Variants in CRY1 observed in about 807,000 individuals in gnomAD.
The protein encoded by CRY1 is cryptochrome-1.
CRY1 carries 45 observed loss-of-function variants against 76.0 expected under a neutral mutation model. The ratio of observed to expected loss-of-function variants is 0.59; its 90% CI spans 0.47 to 0.76. The LOEUF is 0.76. Among genes scored for constraint, CRY1 ranks in the 30% least tolerant of loss-of-function variants. The probability of loss-of-function intolerance (pLI) is 0.00; values close to 1 mark genes in which losing one functional copy is unlikely to be tolerated. For missense variants in CRY1, 587 were observed against 716.4 expected, an observed-to-expected ratio of 0.82 and a Z score of 2.06; for synonymous variants, 248 against 244.0, an observed-to-expected ratio of 1.02 and a Z score of -0.15.
chr12:106,998,233 T>C (rs1368802878), intron 7 of CRY1, among the ~76,000 whole-genome samples, 167 bp from the exon 8 acceptor site: 1 of 152,130 alleles, frequency 6.6e-6, no homozygotes, highest in Admixed American at 6.5e-5. Flanking sequence ...TAATGAGCTC[T>C]TCCAGAGAAA....
chr12:107,060,965 ACT>A (rs1422532944), intron 1 of CRY1, among the ~76,000 whole-genome samples: 2 of 152,026 alleles, frequency 1.3e-5, no homozygotes, highest in Admixed American at 6.6e-5. Flanking sequence ...ACAGAGTGAG[ACT>A]CTGTCTCAAA....
At position 107,009,124 on chromosome 12, in the gene CRY1, G is replaced by A. The variant is rs577800061; in HGVS notation, c.268-3876C>T. Among the ~76,000 whole-genome samples, 35 of 152,250 alleles carry A rather than the reference G, an allele frequency of 2.3e-4. 1 individual carries two copies. Among genetic ancestry groups the A allele is most frequent in the African/African-American group, 7.9e-4 (33 of 41,536 alleles). ...TATGTCAGATGCGTTCTCTTCATTT[G>A]TTAAGATAATTTCTCTTTTCCTTTA... On this transcript the variant is annotated intron_variant, in intron 2 of 12. Coordinates refer to ENST00000008527, the MANE Select transcript of CRY1 (RefSeq NM_004075.5).
At chr12:107,044,645 A>G (rs1952830984) in intron 1 of CRY1, among the ~76,000 whole-genome samples, 1 of 152,224 alleles carries the variant, frequency 6.6e-6, no homozygotes, top group Non-Finnish European at 1.5e-5. Flanking sequence ...AACAATTCAC[A>G]ATATAAACAA....
intron 2 of CRY1, among the ~76,000 whole-genome samples, chr12:107,011,541 G>C (rs930173606): frequency 6.6e-6 from 1 of 152,112 alleles, no homozygotes; most frequent in Non-Finnish European, 1.5e-5. Context: ...GAAAACTTTA[G>C]GGGTCTGGAT....
chr12:107,001,389 A>C, intron 4 of CRY1, 21 bp from the exon 5 acceptor site: 5 of 1,573,988 alleles, frequency 3.2e-6, no homozygotes, highest in Non-Finnish European at 4.3e-6. Context: ...GAAAAGAAAA[A>C]AACATCATTC....
chr12:107,022,244 A>G (rs751343146), intron 1 of CRY1, 52 bp from the exon 2 acceptor site: 9 of 1,104,870 alleles, frequency 8.1e-6, no homozygotes, highest in Admixed American at 5.0e-5. Flanking sequence ...TATTTAGAAG[A>G]CATAAATTAT....
chr12:107,001,532 C>T (rs527984698), intron 4 of CRY1, among the ~76,000 whole-genome samples, 164 bp from the exon 5 acceptor site: 1 of 152,264 alleles, frequency 6.6e-6, no homozygotes, highest in African/African-American at 2.4e-5. Flanking sequence ...GACATGGTTT[C>T]AATTTTTCAG....
chr12:107,085,354 A>C (rs1212868552), intron 1 of CRY1, among the ~76,000 whole-genome samples: 1 of 152,252 alleles, frequency 6.6e-6, no homozygotes, highest in African/African-American at 2.4e-5. Flanking sequence ...CTATAATGAC[A>C]CAGGCACATG....
intron 1 of CRY1, among the ~76,000 whole-genome samples, chr12:107,025,500 T>A (rs1024788308): frequency 2.0e-5 from 3 of 152,144 alleles, no homozygotes; most frequent in African/African-American, 7.2e-5. Context: ...ATAGCATTGT[T>A]CGTGAGATTA....
At position 107,005,149 on chromosome 12, in the gene CRY1, C is replaced by G. The variant is rs1952357184; in HGVS notation, c.367G>C (p.Glu123Gln). The G allele has an allele frequency of 6.2e-7, 1 of 1,613,026 alleles. No individual in the cohort carries two copies. Among genetic ancestry groups the G allele is most frequent in the African/African-American group, 1.3e-5 (1 of 74,732 alleles). ...IKKLATEAGVEVIVRISHTLY... is the reference protein window; with the variant it reads ...IKKLATEAGVQVIVRISHTLY... The stretch of plus-strand genomic sequence containing the variant: ...GTATGTGAAATTCTTACAATGACTT[C>G]TACTCCAGCTTCAGTTGCCAGTTTC... The change falls in exon 3 of 13, where the codon GAA becomes CAA. Residue 123 changes from glutamate to glutamine, a missense_variant. By Grantham distance (29) the Glu-to-Gln change is conservative. Coordinates refer to ENST00000008527, the MANE Select transcript of CRY1 (RefSeq NM_004075.5).
chr12:107,012,764 G>C (rs1214971917), intron 2 of CRY1, among the ~76,000 whole-genome samples: 7 of 152,198 alleles, frequency 4.6e-5, no homozygotes, highest in Non-Finnish European at 7.3e-5. Flanking sequence ...ATGGGAGGAG[G>C]TTAAAATATC....
chr12:107,043,522 T>A (rs1289297754), intron 1 of CRY1, among the ~76,000 whole-genome samples: 1 of 152,028 alleles, frequency 6.6e-6, no homozygotes, highest in African/African-American at 2.4e-5. Flanking sequence ...CAGCTGCACA[T>A]CTCAGAGCTG....
chr12:107,026,252 GAC>G (rs1216441192), intron 1 of CRY1, among the ~76,000 whole-genome samples: 1 of 126,996 alleles, frequency 7.9e-6, no homozygotes, highest in Non-Finnish European at 1.7e-5. Context: ...CTCTTTCTGA[GAC>G]ACAGTCTTGT....
Position 106,991,872 on chromosome 12 carries a change from G to A in CRY1, c.*130C>T, listed in dbSNP as rs911981324. The A allele has an allele frequency of 6.6e-6, 1 of 152,486 alleles. No homozygotes were observed. Among genetic ancestry groups the A allele is most frequent in the Non-Finnish European group, 1.5e-5 (1 of 67,978 alleles). The allele number at this position is 152,486 out of a possible 1,614,324, so 9.4% of individuals were successfully genotyped here. A position where few individuals can be genotyped will look rare whatever the true frequency, so the allele number is the denominator to read the frequency against. On this transcript the variant is annotated 3_prime_UTR_variant, in exon 13 of 13. Transcript: ENST00000008527. ...TTAAAAAGTTAAAAACCACAGAAAT[G>A]TCATTAGAAACAACATATTTCAATA... is the stretch of plus-strand genomic sequence containing the variant.
intron 1 of CRY1, among the ~76,000 whole-genome samples, chr12:107,044,335 A>C (rs2136868917): frequency 6.6e-6 from 1 of 152,302 alleles, no homozygotes; most frequent in East Asian, 1.9e-4. Flanking sequence ...GAACATTAAC[A>C]ATCTATGCTG....
intron 5 of CRY1, among the ~76,000 whole-genome samples, chr12:107,000,655 A>G (rs1952298006): frequency 6.9e-6 from 1 of 144,104 alleles, no homozygotes; most frequent in Admixed American, 7.0e-5. Context: ...TGGAAAATTT[A>G]TTTATTTATT....
At chr12:107,048,407 T>C (rs920605886) in intron 1 of CRY1, among the ~76,000 whole-genome samples, 16 of 152,198 alleles carry the variant, frequency 1.1e-4, no homozygotes, top group Non-Finnish European at 2.1e-4. Flanking sequence ...CACATACTTA[T>C]GGTTTCTATT....
chr12:107,070,026 G>A (rs536886371), intron 1 of CRY1, among the ~76,000 whole-genome samples: 1 of 152,244 alleles, frequency 6.6e-6, no homozygotes, highest in African/African-American at 2.4e-5. Flanking sequence ...CTCATGCATT[G>A]TTAGTGGGAA....
intron 2 of CRY1, among the ~76,000 whole-genome samples, chr12:107,018,902 T>C (rs1197779708): frequency 3.3e-5 from 5 of 152,236 alleles, no homozygotes; most frequent in African/African-American, 9.6e-5. Context: ...ACAGAATAAA[T>C]TGAGTGAATG....
Sources: allele counts gnomAD v4.1 joint callset (sites outside exome capture counted in the v4.1 genomes callset), GRCh38; gene constraint gnomAD v4.1.1; transcripts MANE v1.5; gene names NCBI Gene and HGNC (gene_info 2026-07-23, HGNC 2026-07-21).